Variants in COL4A2 observed in about 807,000 individuals in gnomAD.
The protein encoded by COL4A2 is collagen type IV alpha 2 chain.
A neutral mutation model predicts 200.2 loss-of-function variants in COL4A2; 99 were observed. The observed-to-expected ratio is 0.49, with a 90% CI of 0.42 to 0.58. COL4A2 has a LOEUF of 0.58. Ranked by LOEUF, COL4A2 falls within the 20% of genes least tolerant of loss-of-function variation. COL4A2 has a pLI of 0.00. For missense variants in COL4A2, 1,950 were observed against 2,314.1 expected (o/e 0.84, Z 3.23); for synonymous variants, 897 against 900.6 (o/e 1.00, Z 0.07).
intron 20 of COL4A2, among the ~76,000 whole-genome samples, chr13:110,453,455 C>T (rs184138507): frequency 8.5e-5 from 13 of 152,108 alleles, no homozygotes; most frequent in Admixed American, 7.2e-4. Flanking sequence ...GAGCCAAGAC[C>T]GCACCTTTGC....
At chr13:110,310,341 C>T (rs540701173) in intron 3 of COL4A2, among the ~76,000 whole-genome samples, 50 of 152,266 alleles carry the variant, frequency 3.3e-4, no homozygotes, top group Admixed American at 5.9e-4. Context: ...GGGTGGAGTC[C>T]GGGACTCCGC....
intron 3 of COL4A2, among the ~76,000 whole-genome samples, chr13:110,316,856 C>A (rs1447920788): frequency 6.6e-6 from 1 of 151,882 alleles, no homozygotes; most frequent in Admixed American, 6.6e-5. Flanking sequence ...TATATATACA[C>A]GTCAAAATAC....
chr13:110,329,270 A>G (rs9521696), intron 3 of COL4A2, among the ~76,000 whole-genome samples: 15,943 of 152,292 alleles, frequency 0.1, 1,014 homozygotes, highest in Non-Finnish European at 0.14. Context: ...TCACTCTTAC[A>G]TTCCCGGTAG....
intron 4 of COL4A2, among the ~76,000 whole-genome samples, chr13:110,414,146 G>A (rs904341619): frequency 1.3e-5 from 2 of 152,186 alleles, no homozygotes; most frequent in Non-Finnish European, 2.9e-5. Context: ...CTGCAGTCCA[G>A]CCGGGCAACA....
intron 4 of COL4A2, among the ~76,000 whole-genome samples, chr13:110,383,323 A>G (rs574918913): frequency 2.0e-5 from 3 of 152,366 alleles, no homozygotes; most frequent in South Asian, 2.1e-4. Context: ...GAAGAGAGGG[A>G]AAAAACAATT....
chr13:110,390,822 C>T (rs954928098), intron 4 of COL4A2, among the ~76,000 whole-genome samples: 1 of 152,094 alleles, frequency 6.6e-6, no homozygotes, highest in Non-Finnish European at 1.5e-5. Context: ...GGGCTGTGGC[C>T]GATGAGTCCC....
At chr13:110,324,604 C>T (rs1885358475) in intron 3 of COL4A2, among the ~76,000 whole-genome samples, 1 of 152,226 alleles carries the variant, frequency 6.6e-6, no homozygotes, top group Non-Finnish European at 1.5e-5. Context: ...CGATTTGGAT[C>T]AGGCAGGTCT....
intron 7 of COL4A2, chr13:110,428,972 G>T (rs998051724): frequency 5.9e-6 from 1 of 169,918 alleles, no homozygotes; most frequent in Non-Finnish European, 1.2e-5. Context: ...CAGCAGATAC[G>T]ATGCAGGAGT....
At chr13:110,450,222 AG>A in intron 19 of COL4A2, 82 bp from the exon 20 acceptor site, 3 of 1,229,128 alleles carry the variant, frequency 2.4e-6, no homozygotes. Context: ...CTAGTGCCCC[AG>A]TGGGCCCCTC....
At chr13:110,423,311 T>G (rs8001158) in intron 4 of COL4A2, among the ~76,000 whole-genome samples, 93,098 of 151,832 alleles carry the variant, frequency 0.61, 28,867 homozygotes, top group East Asian at 0.76. Flanking sequence ...TATTTTTAAT[T>G]TTTTTAATGT....
chr13:110,509,957 C>T (rs1884030182), intron 47 of COL4A2, among the ~76,000 whole-genome samples: 1 of 152,212 alleles, frequency 6.6e-6, no homozygotes, highest in Non-Finnish European at 1.5e-5. Flanking sequence ...GCCCTGACTG[C>T]CGTCTAGGAG....
intron 4 of COL4A2, among the ~76,000 whole-genome samples, chr13:110,358,705 T>C (rs1356603375): frequency 6.6e-6 from 1 of 152,222 alleles, no homozygotes; most frequent in Non-Finnish European, 1.5e-5. Context: ...AAAGTCATGA[T>C]GCGGTGCCTG....
chr13:110,449,574 G>A, intron 18 of COL4A2, 105 bp from the exon 19 acceptor site: 1 of 1,095,844 alleles, frequency 9.1e-7, no homozygotes, highest in Non-Finnish European at 1.3e-6. Flanking sequence ...GCCGCATACA[G>A]CATATGGAGC....
intron 47 of COL4A2, among the ~76,000 whole-genome samples, chr13:110,509,542 A>C (rs1249174038): frequency 6.6e-6 from 1 of 152,106 alleles, no homozygotes; most frequent in Admixed American, 6.5e-5. Flanking sequence ...AGTGACCTTC[A>C]GGGTGCCCCT....
chr13:110,409,369 C>T (rs1879741588), intron 4 of COL4A2, among the ~76,000 whole-genome samples: 1 of 152,194 alleles, frequency 6.6e-6, no homozygotes, highest in Non-Finnish European at 1.5e-5. Context: ...CCGTGATCAG[C>T]GCAGACCCAC....
intron 20 of COL4A2, among the ~76,000 whole-genome samples, chr13:110,451,997 G>GA (rs1881553228): frequency 6.6e-6 from 1 of 152,228 alleles, no homozygotes; most frequent in Non-Finnish European, 1.5e-5. Context: ...TTCCAAAGTA[G>GA]TTTACTTTAA....
intron 4 of COL4A2, among the ~76,000 whole-genome samples, chr13:110,393,876 C>CA (rs999856445): frequency 2.1e-4 from 32 of 149,940 alleles, no homozygotes; most frequent in African/African-American, 6.6e-4. Flanking sequence ...GAGATGCTGT[C>CA]AAAAAAAAAA....
At chr13:110,402,332 G>C (rs1879400061) in intron 4 of COL4A2, among the ~76,000 whole-genome samples, 1 of 152,190 alleles carries the variant, frequency 6.6e-6, no homozygotes, top group Non-Finnish European at 1.5e-5. Flanking sequence ...TATTCTAAAA[G>C]GGAGAAACAG....
At chr13:110,315,635 A>G (rs1184668278) in intron 3 of COL4A2, among the ~76,000 whole-genome samples, 2 of 152,160 alleles carry the variant, frequency 1.3e-5, no homozygotes, top group Non-Finnish European at 2.9e-5. Flanking sequence ...ATCTCAGGTG[A>G]TCCGCCTACC....
Sources: allele counts gnomAD v4.1 joint callset (sites outside exome capture counted in the v4.1 genomes callset), GRCh38; gene constraint gnomAD v4.1.1; transcripts MANE v1.5; gene names NCBI Gene and HGNC (gene_info 2026-07-23, HGNC 2026-07-21).